MAST4: variants seen among roughly 807,000 people sequenced by gnomAD.
MAST4 encodes the protein microtubule associated serine/threonine kinase family member 4.
A neutral mutation model predicts 162.7 loss-of-function variants in MAST4; 89 were observed. The observed-to-expected ratio is 0.55, with a 90% CI of 0.46 to 0.65. MAST4 has a LOEUF of 0.65. Among genes scored for constraint, MAST4 ranks in the 30% least tolerant of loss-of-function variants. The probability of loss-of-function intolerance (pLI) is 0.00; values close to 1 mark genes in which losing one functional copy is unlikely to be tolerated. For missense variants in MAST4, 3,153 were observed against 3,374.0 expected (o/e 0.93, Z 1.62); for synonymous variants, 1,479 against 1,361.1 (o/e 1.09, Z -1.91).
chr5:66,903,789 G>T (rs1763165902), intron 4 of MAST4, among the ~76,000 whole-genome samples: 1 of 152,146 alleles, frequency 6.6e-6, no homozygotes, highest in East Asian at 1.9e-4. Context: ...TGTTCAGCAA[G>T]GTGCCCAGTA....
chr5:67,133,463 AT>A, intron 16 of MAST4, 50 bp from the exon 17 acceptor site: 1 of 1,593,436 alleles, frequency 6.3e-7, no homozygotes. Context: ...ATGAAAATAG[AT>A]AACCAGCTTA....
intron 4 of MAST4, among the ~76,000 whole-genome samples, chr5:66,961,635 G>C (rs1746027236): frequency 6.6e-6 from 1 of 152,032 alleles, no homozygotes; most frequent in African/African-American, 2.4e-5. Context: ...AGATTTTTTT[G>C]TTTTTTCTTT....
At chr5:66,738,641 G>C (rs1200063345) in intron 1 of MAST4, among the ~76,000 whole-genome samples, 2 of 152,140 alleles carry the variant, frequency 1.3e-5, no homozygotes, top group African/African-American at 2.4e-5. Context: ...GTGAAGAATG[G>C]GTTCTGTGTT....
At chr5:66,727,744 C>G (rs2149549395) in intron 1 of MAST4, among the ~76,000 whole-genome samples, 1 of 152,084 alleles carries the variant, frequency 6.6e-6, no homozygotes, top group South Asian at 2.1e-4. Context: ...TGCCAGAATG[C>G]CTGTTCTCAT....
At chr5:67,128,025 T>A (rs1303885356) in intron 14 of MAST4, among the ~76,000 whole-genome samples, 1 of 152,188 alleles carries the variant, frequency 6.6e-6, no homozygotes, top group African/African-American at 2.4e-5. Flanking sequence ...TGAAGCAATA[T>A]GAATGTAGGA....
At chr5:66,974,636 G>A (rs1747896411) in intron 4 of MAST4, among the ~76,000 whole-genome samples, 2 of 152,144 alleles carry the variant, frequency 1.3e-5, no homozygotes, top group Non-Finnish European at 2.9e-5. Context: ...CTGAACAGAA[G>A]GTTTGGCCAT....
intron 1 of MAST4, among the ~76,000 whole-genome samples, chr5:66,694,718 C>T (rs1309661764): frequency 6.6e-6 from 1 of 152,148 alleles, no homozygotes; most frequent in Non-Finnish European, 1.5e-5. Context: ...AACTCCTGAT[C>T]TCAGGTGATC....
At chr5:66,671,054 TTGTG>T (rs1027338193) in intron 1 of MAST4, among the ~76,000 whole-genome samples, 1 of 152,112 alleles carries the variant, frequency 6.6e-6, no homozygotes, top group Admixed American at 6.5e-5. Context: ...GTTGCTGTGA[TTGTG>T]TGTGTGTGCC....
intron 3 of MAST4, among the ~76,000 whole-genome samples, chr5:66,805,093 T>C (rs764915865): frequency 6.6e-6 from 1 of 152,180 alleles, no homozygotes; most frequent in Non-Finnish European, 1.5e-5. Flanking sequence ...TACTGTCTCA[T>C]ATTTTCTTCT....
chr5:66,750,869 G>T (rs1753107827), intron 1 of MAST4, among the ~76,000 whole-genome samples: 2 of 152,240 alleles, frequency 1.3e-5, no homozygotes, highest in African/African-American at 4.8e-5. Context: ...AAAGACAGCA[G>T]TAACCTCTGC....
intron 2 of MAST4, among the ~76,000 whole-genome samples, chr5:66,782,312 A>G (rs529420490): frequency 2.6e-5 from 4 of 151,634 alleles, no homozygotes; most frequent in African/African-American, 9.7e-5. Flanking sequence ...AAAAGAAAAC[A>G]CATTCTAGGA....
intron 1 of MAST4, among the ~76,000 whole-genome samples, chr5:66,701,639 T>C (rs1749782290): frequency 6.6e-6 from 1 of 152,210 alleles, no homozygotes; most frequent in Non-Finnish European, 1.5e-5. Flanking sequence ...TTTCTGAACT[T>C]GGTTTTCTGT....
intron 4 of MAST4, among the ~76,000 whole-genome samples, chr5:67,021,224 T>C (rs1242585478): frequency 6.6e-6 from 1 of 152,192 alleles, no homozygotes; most frequent in African/African-American, 2.4e-5. Context: ...ACAGAACATG[T>C]TGAAAGAGGT....
At chr5:66,699,457 GA>G (rs1749623095) in intron 1 of MAST4, among the ~76,000 whole-genome samples, 1 of 152,130 alleles carries the variant, frequency 6.6e-6, no homozygotes, top group Non-Finnish European at 1.5e-5. Flanking sequence ...GTTCCAGAGG[GA>G]TTTTTTTGTT....
chr5:66,788,255 T>A (rs1755209908), intron 2 of MAST4, among the ~76,000 whole-genome samples: 1 of 152,234 alleles, frequency 6.6e-6, no homozygotes, highest in Admixed American at 6.5e-5. Context: ...ATCTCCACTT[T>A]GTAGATTATT....
At chr5:66,985,522 A>G (rs575737063) in intron 4 of MAST4, among the ~76,000 whole-genome samples, 1 of 152,300 alleles carries the variant, frequency 6.6e-6, no homozygotes, top group Admixed American at 6.5e-5. Flanking sequence ...TTACCAAATC[A>G]GGTTTATTTT....
intron 1 of MAST4, among the ~76,000 whole-genome samples, chr5:66,621,376 G>T (rs925215503): frequency 7.2e-5 from 11 of 152,224 alleles, no homozygotes; most frequent in Non-Finnish European, 1.5e-4. Flanking sequence ...ATGAGTAGCA[G>T]TGAGAAAATG....
rs148140977 is a variant in MAST4 at position 66,628,516 on chromosome 5, A to T, written c.363+31498A>T. On this transcript the variant is annotated intron_variant, in intron 1 of 28. Transcript: ENST00000403625. Reference sequence around the variant, plus strand: ...ATTCCTTCCTATTGATTATAGAGGGAATTCTACTAGTGCTCAGAGGAGAAA... The same window carrying T: ...ATTCCTTCCTATTGATTATAGAGGGTATTCTACTAGTGCTCAGAGGAGAAA... Among the ~76,000 whole-genome samples the T allele has an allele frequency of 6.9e-3, 1,053 of 152,210 alleles. 7 individuals carry two copies. The highest frequency in any genetic ancestry group is 0.024 in the African/African-American group (993 of 41,510).
chr5:66,975,225 C>G (rs991618997), intron 4 of MAST4, among the ~76,000 whole-genome samples: 20 of 152,134 alleles, frequency 1.3e-4, no homozygotes, highest in African/African-American at 4.8e-4. Context: ...ACACTGATTT[C>G]AGATTTCTGG....
Sources: gnomAD v4.1 joint callset for allele counts (sites outside exome capture counted in the v4.1 genomes callset) on GRCh38, gnomAD v4.1.1 for gene constraint, MANE v1.5 for transcripts, NCBI Gene and HGNC (gene_info 2026-07-23, HGNC 2026-07-21) for gene names.